The following VPS13D variants were observed in gnomAD, a reference collection of about 807,000 sequenced individuals.
VPS13D encodes intermembrane lipid transfer protein VPS13D.
A neutral mutation model predicts 461.9 loss-of-function variants in VPS13D; 187 were observed. That is an observed-to-expected ratio of 0.40 (90% CI 0.36 to 0.46). The LOEUF (loss-of-function observed/expected upper bound fraction) is 0.46, where lower values mean the gene tolerates loss of function less well. Ranked by LOEUF, VPS13D falls within the 20% of genes least tolerant of loss-of-function variation. The pLI is 0.60. For missense variants in VPS13D, 4,711 were observed against 5,364.9 expected (o/e 0.88, Z 3.81); for synonymous variants, 1,951 against 1,986.3 (o/e 0.98, Z 0.47).
At position 12,276,187 on chromosome 1, in the gene VPS13D, G is replaced by C; in HGVS notation, c.2599G>C (p.Asp867His). The C allele has an allele frequency of 6.2e-7, 1 of 1,614,128 alleles. No homozygotes were observed. Among genetic ancestry groups the C allele is most frequent in the Non-Finnish European group, 8.5e-7 (1 of 1,180,034 alleles). ...AGAGCGTCGATTGATTTATACTTCAGATCCCAAATATCCAGGAGCCGTGCT... is the reference window on the plus strand; with the variant it reads ...AGAGCGTCGATTGATTTATACTTCACATCCCAAATATCCAGGAGCCGTGCT... ...QLERRLIYTS[D>H]PKYPGAVLSG... The change falls in exon 19 of 70, where the codon GAT (aspartate) becomes CAT (histidine). Residue 867 changes from aspartate (D) to histidine (H), a missense_variant. Around this residue, in one of 3 missense-constraint regions of VPS13D, gnomAD observed 4,411 missense variants for 4,937.8 expected, o/e 0.89. Coordinates refer to ENST00000620676, the MANE Select transcript of VPS13D (RefSeq NM_015378.4). This position sits in a 1 kb window ranked among gnomAD's most constrained non-coding sequence, Gnocchi z 4.5.
At chr1:12,490,156 G>A (rs187002834) in intron 67 of VPS13D, among the ~76,000 whole-genome samples, 1 of 152,326 alleles carries the variant, frequency 6.6e-6, no homozygotes, top group East Asian at 1.9e-4. Context: ...TAGGGGACTG[G>A]AGGAGGCAGG....
chr1:12,423,306 A>T (rs1644885611), intron 65 of VPS13D, among the ~76,000 whole-genome samples: 1 of 152,156 alleles, frequency 6.6e-6, no homozygotes, highest in African/African-American at 2.4e-5. Flanking sequence ...CTGGCATCTC[A>T]GTTCTCATTT....
At chr1:12,237,787 A>G (rs1640205269) in intron 2 of VPS13D, among the ~76,000 whole-genome samples, 1 of 152,034 alleles carries the variant, frequency 6.6e-6, no homozygotes, top group African/African-American at 2.4e-5. Flanking sequence ...TGTTCTTGTC[A>G]CTGCACTGTA....
At chr1:12,349,480 T>C (rs1643749916) in intron 46 of VPS13D, 106 bp downstream of exon 46, 13 of 1,091,934 alleles carry the variant, frequency 1.2e-5, no homozygotes, top group Non-Finnish European at 1.6e-5. Flanking sequence ...CAGTTATCTT[T>C]ATTTAAACTC....
Position 12,283,755 on chromosome 1 carries a change from G to C in VPS13D, c.5634+19G>C. The C allele has an allele frequency of 1.3e-6, 2 of 1,594,496 alleles. No individual in the cohort carries two copies. The highest frequency in any genetic ancestry group is 1.7e-6 in the Non-Finnish European group (2 of 1,169,272). ...TCTCAAGGTATCCTCAGTTCCCTTTGGCTCCCTTAAGCTCTAAAAATGGAT... is the reference window on the plus strand; with the variant it reads ...TCTCAAGGTATCCTCAGTTCCCTTTCGCTCCCTTAAGCTCTAAAAATGGAT... On this transcript the variant is annotated intron_variant, in intron 21 of 69. Transcript: ENST00000620676.
chr1:12,359,313 G>A (rs950543028), intron 50 of VPS13D, among the ~76,000 whole-genome samples: 1 of 152,112 alleles, frequency 6.6e-6, no homozygotes, highest in African/African-American at 2.4e-5. Context: ...GCCTCTCAAA[G>A]CAATGTTTAG....
Position 12,500,090 on chromosome 1 carries a change from T to C in VPS13D, c.12794+2459T>C, listed in dbSNP as rs1370352348. 4.1e-6 allele frequency: 4 copies of C among 985,318 alleles called. No individual in the cohort carries two copies. The African/African-American group carries it at 7.0e-5, about 17-fold the overall frequency. The allele number at this position is 985,318 out of a possible 1,614,324, so 61.0% of individuals were successfully genotyped here. A position where few individuals can be genotyped will look rare whatever the true frequency, so the allele number is the denominator to read the frequency against. ...TTCTGGAAAATATTGTGTAATTATT[T>C]CCCGATGGAGTGAAAACCCCACGAA... On this transcript the variant is annotated intron_variant, in intron 68 of 69. Transcript: ENST00000620676.
chr1:12,236,418 T>C (rs1419626296), intron 2 of VPS13D, among the ~76,000 whole-genome samples: 19 of 152,134 alleles, frequency 1.2e-4, no homozygotes. Flanking sequence ...TTTCTTTCTG[T>C]CACCCAGGCT....
At position 12,456,085 on chromosome 1, in the gene VPS13D, A is replaced by T; in HGVS notation, c.12421A>T (p.Thr4141Ser). 6.2e-7 allele frequency: 1 copy of T among 1,614,004 alleles called. No individual in the cohort carries two copies. Among genetic ancestry groups the T allele is most frequent in the Non-Finnish European group, 8.5e-7 (1 of 1,179,952 alleles). Reference protein sequence around the residue: ...EREYIRYHAATSGEHLVAGIH... With the variant: ...EREYIRYHAASSGEHLVAGIH... The stretch of plus-strand genomic sequence containing the variant: ...GGAGTACATCAGGTACCATGCAGCC[A>T]CAAGTGGTGAACACCTTGTAGCCGG... The change falls in exon 66 of 70, where the codon ACA (threonine) becomes TCA (serine). Residue 4141 changes from threonine (T) to serine (S), a missense_variant. Coordinates refer to ENST00000620676, the MANE Select transcript of VPS13D (RefSeq NM_015378.4).
In VPS13D at chr1:12,283,222, C is replaced by T. The variant is rs958068; in HGVS notation, c.5120C>T (p.Ser1707Phe). 2 of 1,614,164 alleles carry T rather than the reference C, an allele frequency of 1.2e-6. No individual in the cohort carries two copies. Among genetic ancestry groups the T allele is most frequent in the Non-Finnish European group, 1.7e-6 (2 of 1,180,020 alleles). Residue 1707 changes from serine (S) to phenylalanine (F), a missense_variant, in exon 21 of 70, where the codon TCT becomes TTT. This residue lies in a region of VPS13D where 4,411 missense variants were observed against 4,937.8 expected (regional missense o/e 0.89). Transcript: ENST00000620676. Reference sequence around the variant, plus strand: ...AGTTTAGCACAAAAAGAATACCTTTCTCAGTCTTGCCCCTCAGTGTCCAAT... The same window carrying T: ...AGTTTAGCACAAAAAGAATACCTTTTTCAGTCTTGCCCCTCAGTGTCCAAT... Reference protein sequence around the residue: ...PSSLAQKEYLSQSCPSVSNVE... With the variant: ...PSSLAQKEYLFQSCPSVSNVE...
Position 12,368,497 on chromosome 1 carries a change from G to A in VPS13D, c.10478G>A (p.Arg3493Gln), listed in dbSNP as rs189234029. The A allele has an allele frequency of 1.5e-5, 25 of 1,612,948 alleles. No individual in the cohort carries two copies. In the Admixed American group the frequency reaches 2.8e-4, roughly 18 times the overall value. Reference protein sequence around the residue: ...RDTLGKCFFLRVEITLRGATY... With the variant: ...RDTLGKCFFLQVEITLRGATY... ...ACCTTGGGAAAATGCTTCTTCCTAC[G>A]AGTGGAAATTACTCTCCGAGGAGCT... The change falls in exon 53 of 70, where the codon CGA becomes CAA. Residue 3493 changes from arginine to glutamine, a missense_variant. By Grantham distance (43) the Arg-to-Gln change is conservative. Transcript: ENST00000620676.
At chr1:12,428,180 C>T (rs1644945952) in intron 65 of VPS13D, among the ~76,000 whole-genome samples, 1 of 152,184 alleles carries the variant, frequency 6.6e-6, no homozygotes, top group Non-Finnish European at 1.5e-5. Flanking sequence ...GGGTGAGAGT[C>T]TGGCTTTTCC....
chr1:12,304,732 A>T lies in VPS13D; in HGVS notation c.6439+4A>T. 6.2e-7 allele frequency: 1 copy of T among 1,613,710 alleles called. No homozygotes were observed. Among genetic ancestry groups the T allele is most frequent in the Non-Finnish European group, 8.5e-7 (1 of 1,179,944 alleles). On this transcript the variant is annotated splice_donor_region_variant and intron_variant, in intron 26 of 69. Transcript: ENST00000620676. ...GGCCAAGAGTCCAGTAGTCCAGGTA[A>T]AAGAGGAGAAAAGCAACATAATACT...
chr1:12,468,238 A>G (rs1197715118), intron 67 of VPS13D, among the ~76,000 whole-genome samples: 1 of 152,226 alleles, frequency 6.6e-6, no homozygotes, highest in Admixed American at 6.5e-5. Context: ...TTTCTTTTTG[A>G]GAAAAAATTT....
In VPS13D at chr1:12,244,292, T is replaced by C. The variant is rs749168094; in HGVS notation, c.222T>C (p.His74=). The C allele has an allele frequency of 6.2e-7, 1 of 1,614,124 alleles. No homozygotes were observed. The change falls in exon 4 of 70, where the codon CAT becomes CAC. Residue 74 remains histidine, a synonymous_variant. Coordinates refer to ENST00000620676, the MANE Select transcript of VPS13D (RefSeq NM_015378.4). ...VTLQIPFYRP[H]VDPWVISISS... The stretch of plus-strand genomic sequence containing the variant: ...TTCAGATTCCCTTTTATCGCCCCCA[T>C]GTGGACCCTTGGGTGATCTCCATCT...
chr1:12,262,865 A>G (rs1009932184), intron 13 of VPS13D, among the ~76,000 whole-genome samples: 1 of 151,840 alleles, frequency 6.6e-6, no homozygotes, highest in Non-Finnish European at 1.5e-5. Flanking sequence ...CACCATGCCC[A>G]GCTAATTTTT....
chr1:12,413,523 G>C (rs977073949), intron 63 of VPS13D, among the ~76,000 whole-genome samples: 1 of 152,142 alleles, frequency 6.6e-6, no homozygotes, highest in Non-Finnish European at 1.5e-5. Flanking sequence ...CCCAGGCTAA[G>C]TACAGTGGCA....
In VPS13D at chr1:12,510,774, C is replaced by CGCACTGCACAAGATGGCAGCAGGATACA. The variant is rs947250066; in HGVS notation, c.*1771_*1798dup. ...GTGGTGATGATTGTCTCAGCACTCACGCACTGCACAAGATGGCAGCAGGAT... is the reference window on the plus strand; with the variant it reads ...GTGGTGATGATTGTCTCAGCACTCACGCACTGCACAAGATGGCAGCAGGATACAGCACTGCACAAGATGGCAGCAGGAT... On this transcript the variant is annotated 3_prime_UTR_variant, in exon 70 of 70. Coordinates refer to ENST00000620676, the MANE Select transcript of VPS13D (RefSeq NM_015378.4). 5.9e-5 allele frequency: 9 copies of CGCACTGCACAAGATGGCAGCAGGATACA among 152,292 alleles called. No individual in the cohort carries two copies. The highest frequency in any genetic ancestry group is 1.9e-4 in the East Asian group (1 of 5,190). 9.4% of individuals were successfully genotyped at this position (152,292 alleles called of 1,614,324 possible).
At chr1:12,236,225 G>A (rs1408290058) in intron 2 of VPS13D, among the ~76,000 whole-genome samples, 1 of 152,058 alleles carries the variant, frequency 6.6e-6, no homozygotes, top group African/African-American at 2.4e-5. Context: ...AATGCTTATG[G>A]ATCCAAAGCA....
Sources: gnomAD v4.1 joint callset for allele counts (sites outside exome capture counted in the v4.1 genomes callset) on GRCh38, gnomAD v4.1.1 for gene constraint, gnomAD v4.1.1 regional missense constraint, Gnocchi (gnomAD v3.1) non-coding constraint, MANE v1.5 for transcripts, NCBI Gene and HGNC (gene_info 2026-07-23, HGNC 2026-07-21) for gene names.